PREX1: variants seen among roughly 807,000 people sequenced by gnomAD.
The protein encoded by PREX1 is phosphatidylinositol 3,4,5-trisphosphate-dependent Rac exchanger 1 protein.
Under a neutral mutation model 198.3 loss-of-function variants are expected in PREX1, and 41 were observed. That is an observed-to-expected ratio of 0.21 (90% confidence interval 0.16 to 0.27). The LOEUF is 0.27. Ranked by LOEUF, PREX1 falls within the 10% of genes least tolerant of loss-of-function variation. The pLI is 1.00. For synonymous variants in PREX1, 843 were observed against 887.2 expected (o/e 0.95, Z 0.89); for missense variants, 1,620 against 2,200.7 (o/e 0.74, Z 5.28).
chr20:48,674,815 T>C (rs57772254), intron 14 of PREX1, among the ~76,000 whole-genome samples: 1,831 of 152,332 alleles, frequency 0.012, 41 homozygotes, highest in African/African-American at 0.042. Flanking sequence ...ACCTTCGGGA[T>C]ATTGCACCAA....
At chr20:48,813,020 AAC>A (rs1178523411) in intron 1 of PREX1, among the ~76,000 whole-genome samples, 1 of 152,236 alleles carries the variant, frequency 6.6e-6, no homozygotes, top group African/African-American at 2.4e-5. Context: ...AGTAACTGCA[AAC>A]ACAGTCATAC....
chr20:48,752,800 C>G (rs1189479686), intron 1 of PREX1, among the ~76,000 whole-genome samples: 2 of 152,184 alleles, frequency 1.3e-5, no homozygotes, highest in Non-Finnish European at 2.9e-5. Flanking sequence ...GGGTCATGTT[C>G]TTTGGGGAAT....
chr20:48,752,087 C>T (rs918897588), intron 1 of PREX1, among the ~76,000 whole-genome samples: 1 of 152,170 alleles, frequency 6.6e-6, no homozygotes, highest in African/African-American at 2.4e-5. Flanking sequence ...AAAGCCCCAG[C>T]AGTATGCACT....
intron 7 of PREX1, among the ~76,000 whole-genome samples, chr20:48,693,447 G>A (rs532096001): frequency 3.9e-4 from 60 of 152,244 alleles, no homozygotes; most frequent in Non-Finnish European, 4.1e-4. Flanking sequence ...GAGCTGGCTC[G>A]CCTCTTCCAC....
rs142653741 is a variant in PREX1, at chr20:48,775,757, G to A, written c.220-27877C>T. The stretch of plus-strand genomic sequence containing the variant: ...TGCACAAGCTCTCTCTTTGCCTGCC[G>A]CCATCCATGTAAAATGTGACTTGCT... On this transcript the variant is annotated intron_variant, in intron 1 of 39. Transcript: ENST00000371941. 7.4e-3 allele frequency among the ~76,000 whole-genome samples: 1,124 copies of A among 152,238 alleles called. 18 individuals are homozygous for A. The highest frequency in any genetic ancestry group is 0.026 in the African/African-American group (1,070 of 41,518).
chr20:48,721,260 C>CA (rs989414013), intron 5 of PREX1, among the ~76,000 whole-genome samples: 1 of 152,180 alleles, frequency 6.6e-6, no homozygotes, highest in Non-Finnish European at 1.5e-5. Context: ...GTCTCAAAAT[C>CA]AATCAGGACA....
intron 6 of PREX1, among the ~76,000 whole-genome samples, chr20:48,705,456 A>G (rs998100277): frequency 6.6e-6 from 1 of 152,234 alleles, no homozygotes; most frequent in Non-Finnish European, 1.5e-5. Flanking sequence ...TCCAAAAACA[A>G]GCCCCTTGTC....
the PREX1 span, among the ~76,000 whole-genome samples, chr20:48,867,656 T>C: frequency 6.7e-6 from 1 of 148,542 alleles, no homozygotes; most frequent in South Asian, 2.1e-4. Context: ...GGCAGGAGAA[T>C]CGCTTGAGAG....
chr20:48,811,734 A>C (rs1330559920), intron 1 of PREX1, among the ~76,000 whole-genome samples: 1 of 133,972 alleles, frequency 7.5e-6, no homozygotes, highest in African/African-American at 2.9e-5. Context: ...ACACACACAC[A>C]CCCCTCACAC....
At chr20:48,848,292 T>C in the PREX1 span, among the ~76,000 whole-genome samples, 1 of 151,994 alleles carries the variant, frequency 6.6e-6, no homozygotes, top group Admixed American at 6.6e-5. Context: ...TCTCGTTCTG[T>C]TATCCAGTCT....
At chr20:48,654,746 G>A (rs982919532) in intron 19 of PREX1, among the ~76,000 whole-genome samples, 11 of 152,282 alleles carry the variant, frequency 7.2e-5, no homozygotes, top group African/African-American at 2.6e-4. Flanking sequence ...TTAAAGGGAG[G>A]GGCACTTAGA....
At chr20:48,678,461 C>T (rs2089724322) in intron 13 of PREX1, among the ~76,000 whole-genome samples, 1 of 146,432 alleles carries the variant, frequency 6.8e-6, no homozygotes, top group South Asian at 2.3e-4. Context: ...CGGAGCAAGA[C>T]CCTGTCTCAA....
At chr20:48,725,058 G>A (rs1170621983) in intron 5 of PREX1, among the ~76,000 whole-genome samples, 2 of 152,212 alleles carry the variant, frequency 1.3e-5, no homozygotes, top group Admixed American at 1.3e-4. Context: ...TGTGTTCGTG[G>A]GCAGAGCTGA....
chr20:48,664,566 T>C (rs1460783897), intron 15 of PREX1, among the ~76,000 whole-genome samples: 1 of 152,184 alleles, frequency 6.6e-6, no homozygotes, highest in African/African-American at 2.4e-5. Flanking sequence ...CTCTGAGGAA[T>C]GTTCTAGAAA....
At chr20:48,805,586 G>A (rs2090408407) in intron 1 of PREX1, among the ~76,000 whole-genome samples, 2 of 152,204 alleles carry the variant, frequency 1.3e-5, no homozygotes, top group African/African-American at 4.8e-5. Flanking sequence ...GCCAGGAGGG[G>A]CAGCCAGCAC....
intron 7 of PREX1, among the ~76,000 whole-genome samples, chr20:48,695,151 C>T (rs759752817): frequency 2.2e-4 from 33 of 152,172 alleles, no homozygotes; most frequent in Non-Finnish European, 4.6e-4. Context: ...CCCCCTTATG[C>T]CCCTTTCCCA....
intron 1 of PREX1, among the ~76,000 whole-genome samples, chr20:48,753,465 C>G (rs1159983124): frequency 6.6e-6 from 1 of 152,118 alleles, no homozygotes; most frequent in African/African-American, 2.4e-5. Context: ...GACAGGGGTG[C>G]TCCTGGCATC....
At chr20:48,786,853 G>GA in intron 1 of PREX1, among the ~76,000 whole-genome samples, 1 of 127,056 alleles carries the variant, frequency 7.9e-6, no homozygotes, top group Non-Finnish European at 1.7e-5. Context: ...AAGAGAGAGA[G>GA]AAAGAGAAAG....
upstream of PREX1, among the ~76,000 whole-genome samples, chr20:48,831,846 A>C (rs1326076347): frequency 6.6e-6 from 1 of 152,158 alleles, no homozygotes; most frequent in African/African-American, 2.4e-5. Context: ...CCTTGGCGGG[A>C]TCAGTGGGGA....
Sources: gnomAD v4.1 joint callset for allele counts (sites outside exome capture counted in the v4.1 genomes callset) on GRCh38, gnomAD v4.1.1 for gene constraint, MANE v1.5 for transcripts, NCBI Gene and HGNC (gene_info 2026-07-23, HGNC 2026-07-21) for gene names.